The following NELL1 variants were observed in gnomAD, a reference collection of about 807,000 sequenced individuals.
The protein encoded by NELL1 is neural EGFL like 1.
A neutral mutation model predicts 107.4 loss-of-function variants in NELL1; 76 were observed. The observed-to-expected ratio is 0.71, with a 90% CI of 0.59 to 0.86. The LOEUF is 0.86. Among genes scored for constraint, NELL1 ranks in the 40% least tolerant of loss-of-function variants. The probability of loss-of-function intolerance (pLI) is 0.00; values close to 1 mark genes in which losing one functional copy is unlikely to be tolerated. For synonymous variants in NELL1, 353 were observed against 341.2 expected, an observed-to-expected ratio of 1.03 and a Z score of -0.38; for missense variants, 1,024 against 1,005.5, an observed-to-expected ratio of 1.02 and a Z score of -0.25.
intron 2 of NELL1, among the ~76,000 whole-genome samples, chr11:20,699,682 G>T (rs1167931274): frequency 1.3e-5 from 2 of 152,164 alleles, no homozygotes. Context: ...TCTACTCATT[G>T]GTAGATGGGC....
At chr11:21,227,444 C>A (rs1379998051) in intron 13 of NELL1, among the ~76,000 whole-genome samples, 1 of 152,154 alleles carries the variant, frequency 6.6e-6, no homozygotes, top group Non-Finnish European at 1.5e-5. Flanking sequence ...TTCAGGCTAG[C>A]AAAGACCATT....
chr11:21,067,339 CCTT>C (rs1853900234), intron 12 of NELL1, among the ~76,000 whole-genome samples: 1 of 152,078 alleles, frequency 6.6e-6, no homozygotes, highest in African/African-American at 2.4e-5. Context: ...AGAGTTAAAA[CCTT>C]CTAATTTTGC....
chr11:21,305,188 A>C (rs764260459), intron 14 of NELL1, among the ~76,000 whole-genome samples: 15 of 152,072 alleles, frequency 9.9e-5, no homozygotes, highest in Non-Finnish European at 1.5e-4. Flanking sequence ...ATTTAACTTT[A>C]TGCTCAAATG....
At chr11:20,815,998 G>T (rs1202717919) in intron 3 of NELL1, among the ~76,000 whole-genome samples, 1 of 152,006 alleles carries the variant, frequency 6.6e-6, no homozygotes, top group Admixed American at 6.6e-5. Context: ...TCTCCATTCT[G>T]TTCCATTAGT....
At position 20,723,304 on chromosome 11, in the gene NELL1, A is replaced by G. The variant is rs527531402; in HGVS notation, c.184+45244A>G. On this transcript the variant is annotated intron_variant, in intron 2 of 19. Transcript: ENST00000357134. ...GAGATAAGGCAAGTCCCTTCTCCCT[A>G]TGAGCCTGTAAAATAAAAAACAAAT... is the stretch of plus-strand genomic sequence containing the variant. Among the ~76,000 whole-genome samples the G allele has an allele frequency of 5.2e-4, 79 of 152,310 alleles. 1 individual carries two copies. Among genetic ancestry groups the G allele is most frequent in the Non-Finnish European group, 1.0e-3 (68 of 68,014 alleles).
At chr11:21,511,164 CTAT>C (rs1855425627) in intron 15 of NELL1, among the ~76,000 whole-genome samples, 1 of 152,144 alleles carries the variant, frequency 6.6e-6, no homozygotes, top group South Asian at 2.1e-4. Flanking sequence ...TTGTTAATCA[CTAT>C]TATTACTGAG....
intron 12 of NELL1, among the ~76,000 whole-genome samples, chr11:21,065,192 C>T (rs1046429269): frequency 1.3e-5 from 2 of 152,106 alleles, no homozygotes; most frequent in South Asian, 2.1e-4. Context: ...CTGGATACCC[C>T]GAGAACAGTT....
intron 9 of NELL1, among the ~76,000 whole-genome samples, chr11:20,937,406 C>T (rs1429794747): frequency 6.6e-6 from 1 of 152,228 alleles, no homozygotes; most frequent in African/African-American, 2.4e-5. Flanking sequence ...ATGTGAGTCC[C>T]CTTTCACCCA....
At chr11:21,515,803 T>C (rs1036827510) in intron 15 of NELL1, among the ~76,000 whole-genome samples, 4 of 152,150 alleles carry the variant, frequency 2.6e-5, no homozygotes, top group African/African-American at 9.7e-5. Context: ...CAGAACATTG[T>C]CTAGAGATTG....
rs558580205 is a variant in NELL1, at chr11:21,192,312, T to C, written c.1427-37020T>C. On this transcript the variant is annotated intron_variant, in intron 13 of 19. Transcript: ENST00000357134. ...TTGAATATTTTAAACGGTGTATTAA[T>C]TTTTAGTAAGTGAGATGGCGAAGTT... is the stretch of plus-strand genomic sequence containing the variant. Among the ~76,000 whole-genome samples, 107 of 152,038 alleles carry C rather than the reference T, an allele frequency of 7.0e-4. 1 individual carries two copies. In the South Asian group the frequency reaches 0.021, roughly 30 times the overall value.
At chr11:20,830,488 C>T (rs1857986261) in intron 3 of NELL1, among the ~76,000 whole-genome samples, 1 of 151,802 alleles carries the variant, frequency 6.6e-6, no homozygotes, top group South Asian at 2.1e-4. Context: ...AGGTGTGTGC[C>T]AACACTCCTG....
At position 21,175,903 on chromosome 11, in the gene NELL1, A is replaced by C. The variant is rs145821773; in HGVS notation, c.1427-53429A>C. On this transcript the variant is annotated intron_variant, in intron 13 of 19. Transcript: ENST00000357134. Reference sequence around the variant, plus strand: ...TGTGGGCATTTAGGATCTTTAGTTGACCAATCCTTCTTGCTTATCTAACCT... The same window carrying C: ...TGTGGGCATTTAGGATCTTTAGTTGCCCAATCCTTCTTGCTTATCTAACCT... 2.2e-4 allele frequency among the ~76,000 whole-genome samples: 33 copies of C among 151,910 alleles called. No homozygotes were observed. In the East Asian group the frequency reaches 6.0e-3, roughly 28 times the overall value.
At chr11:21,220,270 G>C (rs914341686) in intron 13 of NELL1, among the ~76,000 whole-genome samples, 1 of 152,122 alleles carries the variant, frequency 6.6e-6, no homozygotes, top group African/African-American at 2.4e-5. Context: ...TAGCTTTGTA[G>C]TATATTTTGA....
chr11:21,472,155 GT>G (rs148600487), intron 15 of NELL1, among the ~76,000 whole-genome samples: 1 of 2,440 alleles, frequency 4.1e-4, no homozygotes, highest in Non-Finnish European at 7.2e-4. Context: ...GTTTTGTTTT[GT>G]TTGTTTGTTT....
chr11:20,962,574 G>C lies in NELL1; in HGVS notation c.1300+2014G>C, dbSNP rs74948042. Among the ~76,000 whole-genome samples, 270 of 152,252 alleles carry C rather than the reference G, an allele frequency of 1.8e-3. 2 individuals are homozygous for C. In the East Asian group the frequency reaches 0.025, roughly 14 times the overall value. On this transcript the variant is annotated intron_variant, in intron 12 of 19. Coordinates refer to ENST00000357134, the MANE Select transcript of NELL1 (RefSeq NM_006157.5). ...AAAACTGCTGGTGCTAATGCTGTTT[G>C]GGATTCTTTGATTCATTTCTCATTG...
intron 5 of NELL1, among the ~76,000 whole-genome samples, chr11:20,891,458 T>A (rs1408554751): frequency 6.6e-6 from 1 of 152,146 alleles, no homozygotes; most frequent in East Asian, 1.9e-4. Flanking sequence ...CATCAACTAG[T>A]GTGCAAAATA....
chr11:21,263,214 G>T (rs1848567564), intron 14 of NELL1, among the ~76,000 whole-genome samples: 1 of 151,770 alleles, frequency 6.6e-6, no homozygotes, highest in Non-Finnish European at 1.5e-5. Flanking sequence ...AATTTGCTGT[G>T]GCTTTTGTCT....
chr11:21,139,750 T>C (rs536700196), intron 13 of NELL1, among the ~76,000 whole-genome samples: 1 of 152,270 alleles, frequency 6.6e-6, no homozygotes, highest in African/African-American at 2.4e-5. Context: ...ATGCTAAAGA[T>C]ATATTCAGTT....
At chr11:21,062,804 T>TTTTG (rs549369856) in intron 12 of NELL1, among the ~76,000 whole-genome samples, 48 of 151,626 alleles carry the variant, frequency 3.2e-4, no homozygotes, top group African/African-American at 9.9e-4. Context: ...AGTTTTCCTT[T>TTTTG]TTTGTTTGTT....
Sources: allele counts gnomAD v4.1 joint callset (sites outside exome capture counted in the v4.1 genomes callset), GRCh38; gene constraint gnomAD v4.1.1; transcripts MANE v1.5; gene names NCBI Gene and HGNC (gene_info 2026-07-23, HGNC 2026-07-21).